The following POP4 variants were observed in gnomAD, a reference collection of about 807,000 sequenced individuals.
POP4 encodes the protein POP4 ribonuclease P/MRP subunit, also known as ribonuclease P protein subunit p29.
A neutral mutation model predicts 29.9 loss-of-function variants in POP4; 31 were observed. That is an observed-to-expected ratio of 1.04 (90% CI 0.78 to 1.40). The LOEUF is 1.40. Among genes scored for constraint, POP4 ranks in the 40% most tolerant of loss-of-function variants. The pLI is 0.00. For synonymous variants in POP4, 110 were observed against 108.2 expected (o/e 1.02, Z -0.10); for missense variants, 286 against 282.7 (o/e 1.01, Z -0.08).
chr19:29,606,443 A>G, intron 1 of POP4, 118 bp downstream of exon 1: 1 of 1,219,804 alleles, frequency 8.2e-7, no homozygotes, highest in South Asian at 1.7e-5. Flanking sequence ...GAACCGCTAC[A>G]GGAATGGGCC....
At chr19:29,611,594 ACTCACGTTTATTT>A in intron 3 of POP4, 1 of 399,354 alleles carries the variant, frequency 2.5e-6, no homozygotes, top group East Asian at 5.0e-5. Flanking sequence ...CTTCAACAAG[ACTCACGTTTATTT>A]CTCTCTCATG....
intron 3 of POP4, chr19:29,611,627 C>G (rs1971070398): frequency 2.0e-6 from 1 of 490,162 alleles, no homozygotes; most frequent in Non-Finnish European, 3.6e-6. Flanking sequence ...GAAAAGAAGT[C>G]CAGGTGGACA....
chr19:29,615,655 C>T lies in POP4; in HGVS notation c.*275C>T. On this transcript the variant is annotated 3_prime_UTR_variant, in exon 7 of 7. Coordinates refer to ENST00000585603, the MANE Select transcript of POP4 (RefSeq NM_006627.3). ...CTGGCAGGAAGCACACCGGGGTTAA[C>T]ACTGGTTGACTTGAATAGGATTATT... 1 of 375,654 alleles carries T rather than the reference C, an allele frequency of 2.7e-6. No individual in the cohort carries two copies. The highest frequency in any genetic ancestry group is 4.8e-6 in the Non-Finnish European group (1 of 207,820). The allele number at this position is 375,654 out of a possible 1,614,324, so 23.3% of individuals were successfully genotyped here. A position where few individuals can be genotyped will look rare whatever the true frequency, so the allele number is the denominator to read the frequency against.
Position 29,613,991 on chromosome 19 carries a change from G to A in POP4, c.526+19G>A, listed in dbSNP as rs759218303. ...CTGAAAGGTATGTAGGTGTTTCTGA[G>A]GGCATTGCTTGCGGGCTGTGGCTCC... On this transcript the variant is annotated intron_variant, in intron 6 of 6. Coordinates refer to ENST00000585603, the MANE Select transcript of POP4 (RefSeq NM_006627.3). 28 of 1,602,870 alleles carry A rather than the reference G, an allele frequency of 1.7e-5. No individual in the cohort carries two copies. Among genetic ancestry groups the A allele is most frequent in the Non-Finnish European group, 2.3e-5 (27 of 1,176,298 alleles).
chr19:29,610,947 G>T, intron 3 of POP4: 1 of 369,440 alleles, frequency 2.7e-6, no homozygotes, highest in Non-Finnish European at 5.1e-6. Flanking sequence ...TGTTTTTAGT[G>T]TGTATTACTT....
chr19:29,612,665 C>T (rs1360532151), intron 5 of POP4, among the ~76,000 whole-genome samples: 1 of 152,178 alleles, frequency 6.6e-6, no homozygotes, highest in Non-Finnish European at 1.5e-5. Flanking sequence ...GCCAAAGCTG[C>T]CACCGATTCT....
intron 5 of POP4, 84 bp from the exon 6 acceptor site, chr19:29,613,787 A>AC: frequency 1.3e-6 from 2 of 1,519,258 alleles, no homozygotes; most frequent in Non-Finnish European, 8.8e-7. Context: ...TGGGATCAGC[A>AC]CCCCCAACCC....
At chr19:29,613,164 A>G (rs1401893946) in intron 5 of POP4, 1 of 152,650 alleles carries the variant, frequency 6.6e-6, no homozygotes, top group Non-Finnish European at 1.5e-5. Context: ...ATTGCAAACC[A>G]TGACCCTCCA....
At chr19:29,615,208 CT>C (rs1417175630) in intron 6 of POP4, 35 bp from the exon 7 acceptor site, 5 of 1,495,908 alleles carry the variant, frequency 3.3e-6, no homozygotes, top group African/African-American at 2.9e-5. Context: ...TTTTCCTCAT[CT>C]TTTTTTCTCC....
chr19:29,615,544 C>A lies in POP4; in HGVS notation c.*164C>A. On this transcript the variant is annotated 3_prime_UTR_variant, in exon 7 of 7. Transcript: ENST00000585603. ...GTTGAACAACATGGGAAGGTCGCAGCGTACTAAGTGAAGAAGTCAGAGGAC... is the reference window on the plus strand; with the variant it reads ...GTTGAACAACATGGGAAGGTCGCAGAGTACTAAGTGAAGAAGTCAGAGGAC... 2 of 659,934 alleles carry A rather than the reference C, an allele frequency of 3.0e-6. No individual in the cohort carries two copies. The highest frequency in any genetic ancestry group is 4.8e-6 in the Non-Finnish European group (2 of 414,284). 40.9% of individuals were successfully genotyped at this position (659,934 alleles called of 1,614,324 possible).
chr19:29,610,934 A>G, intron 3 of POP4: 1 of 415,438 alleles, frequency 2.4e-6, no homozygotes. Context: ...AGAGGAACTG[A>G]TATGTTTTTA....
chr19:29,616,195 C>G lies in POP4; in HGVS notation c.*815C>G, dbSNP rs1323876306. On this transcript the variant is annotated 3_prime_UTR_variant, in exon 7 of 7. Transcript: ENST00000585603. ...CAGCAGCATTGACGCCCTTTGATAT[C>G]TTCGCCATTTTTGCTGCTGAAAGAC... The G allele has an allele frequency of 6.6e-6, 1 of 152,254 alleles. No homozygotes were observed. Among genetic ancestry groups the G allele is most frequent in the Non-Finnish European group, 1.5e-5 (1 of 68,052 alleles). 9.4% of individuals were successfully genotyped at this position (152,254 alleles called of 1,614,324 possible).
chr19:29,611,343 C>T (rs1415245065), intron 3 of POP4, among the ~76,000 whole-genome samples: 1 of 152,180 alleles, frequency 6.6e-6, no homozygotes, highest in Non-Finnish European at 1.5e-5. Flanking sequence ...ATTTCTCTAA[C>T]CTAAGGCTTT....
intron 5 of POP4, among the ~76,000 whole-genome samples, chr19:29,613,455 G>C (rs963534308): frequency 6.6e-6 from 1 of 152,192 alleles, no homozygotes; most frequent in Non-Finnish European, 1.5e-5. Flanking sequence ...CTGCTGGGCA[G>C]CTCTGCAGCC....
intron 1 of POP4, 71 bp from the exon 2 acceptor site, chr19:29,608,586 A>C (rs1971031323): frequency 6.9e-7 from 1 of 1,455,468 alleles, no homozygotes; most frequent in African/African-American, 1.4e-5. Context: ...TTATTTTCAT[A>C]GTTAGAAAAG....
At chr19:29,606,427 C>A in intron 1 of POP4, 102 bp downstream of exon 1, 1 of 1,346,166 alleles carries the variant, frequency 7.4e-7, no homozygotes, top group Non-Finnish European at 9.9e-7. Flanking sequence ...CTGCGGAGTC[C>A]TAACAGAACC....
At chr19:29,612,257 T>C in intron 5 of POP4, 79 bp downstream of exon 5, 7 of 1,291,002 alleles carry the variant, frequency 5.4e-6, no homozygotes, top group Non-Finnish European at 7.5e-6. Context: ...GGGCGTGTGT[T>C]CTGTTGGACA....
intron 1 of POP4, among the ~76,000 whole-genome samples, chr19:29,606,864 G>T (rs1480747725): frequency 6.6e-6 from 1 of 152,040 alleles, no homozygotes; most frequent in Non-Finnish European, 1.5e-5. Context: ...GTCTCGGCAT[G>T]TCTGAGCTTC....
Position 29,611,899 on chromosome 19 carries a change from C to G in POP4, c.322C>G (p.Gln108Glu), listed in dbSNP as rs747367943. ...LFLPLHELWK[Q>E]YIRDLCSGLK... ...CCTCCCTCTCCATGAACTCTGGAAA[C>G]AGTACATCAGGGACCTGTGCAGTGG... Residue 108 changes from glutamine (Q) to glutamate (E), a missense_variant, in exon 4 of 7, where the codon CAG becomes GAG. By Grantham distance (29) the Gln-to-Glu change is conservative. Coordinates refer to ENST00000585603, the MANE Select transcript of POP4 (RefSeq NM_006627.3). 1 of 1,614,230 alleles carries G rather than the reference C, an allele frequency of 6.2e-7. No individual in the cohort carries two copies. Among genetic ancestry groups the G allele is most frequent in the South Asian group, 1.1e-5 (1 of 91,086 alleles).
Sources: gnomAD v4.1 joint callset for allele counts (sites outside exome capture counted in the v4.1 genomes callset) on GRCh38, gnomAD v4.1.1 for gene constraint, MANE v1.5 for transcripts, NCBI Gene and HGNC (gene_info 2026-07-23, HGNC 2026-07-21) for gene names.